The following SIPA1L2 variants were observed in gnomAD, a reference collection of about 807,000 sequenced individuals.
SIPA1L2 encodes the protein signal induced proliferation associated 1 like 2.
SIPA1L2 carries 56 observed loss-of-function variants against 163.9 expected under a neutral mutation model. That is an observed-to-expected ratio of 0.34 (90% CI 0.28 to 0.43). The LOEUF is 0.43. SIPA1L2 is among the 20% of genes least tolerant of loss of function. The pLI, the probability that SIPA1L2 is intolerant of heterozygous loss-of-function variation, is 1.00. For missense variants in SIPA1L2, 1,974 were observed against 2,193.5 expected, an observed-to-expected ratio of 0.90 and a Z score of 2.00; for synonymous variants, 877 against 865.7, an observed-to-expected ratio of 1.01 and a Z score of -0.23.
chr1:232,516,630 ATT>A (rs77019423), intron 2 of SIPA1L2, among the ~76,000 whole-genome samples: 7 of 145,732 alleles, frequency 4.8e-5, no homozygotes, highest in African/African-American at 1.0e-4. Context: ...TCATCCCTAA[ATT>A]TTTTTTTTTT....
Position 232,415,482 on chromosome 1 carries a change from G to A in SIPA1L2, c.4762+12C>T. ...GGGTAAGGGGTGAGGCCAGAGGCTGGTGAGTCTTTACCTTCAAATGCCCGT... is the reference window on the plus strand; with the variant it reads ...GGGTAAGGGGTGAGGCCAGAGGCTGATGAGTCTTTACCTTCAAATGCCCGT... On this transcript the variant is annotated intron_variant, in intron 19 of 22. Transcript: ENST00000674635. 1 of 1,601,276 alleles carries A rather than the reference G, an allele frequency of 6.2e-7. No homozygotes were observed. Among genetic ancestry groups the A allele is most frequent in the Non-Finnish European group, 8.5e-7 (1 of 1,174,272 alleles).
At chr1:232,630,147 C>T (rs541286271), upstream of SIPA1L2, among the ~76,000 whole-genome samples, 27 of 151,498 alleles carry the variant, frequency 1.8e-4, no homozygotes, top group South Asian at 5.6e-3. Context: ...GCGCCGGCTC[C>T]CGATGCCACC....
intron 3 of SIPA1L2, among the ~76,000 whole-genome samples, chr1:232,496,861 A>G (rs1358775381): frequency 2.0e-5 from 3 of 152,262 alleles, no homozygotes; most frequent in Middle Eastern, 3.2e-3. Flanking sequence ...TACAACAGTC[A>G]TAAGACAAAA....
rs10495322 is a variant in SIPA1L2 at position 232,407,960 on chromosome 1, C to T, written c.4763-3782G>A. The stretch of plus-strand genomic sequence containing the variant: ...GCCAGGTTTTCTGGTCGGGTTTGTT[C>T]CCATTACCATGTTTAACGGGGGACG... On this transcript the variant is annotated intron_variant, in intron 19 of 22. Transcript: ENST00000674635. Among the ~76,000 whole-genome samples the T allele has an allele frequency of 0.035, 5,262 of 152,214 alleles. 743 individuals are homozygous for T. In the East Asian group the frequency reaches 0.48, roughly 14 times the overall value.
intron 19 of SIPA1L2, among the ~76,000 whole-genome samples, chr1:232,413,752 G>A (rs1486801395): frequency 6.6e-6 from 1 of 152,144 alleles, no homozygotes; most frequent in African/African-American, 2.4e-5. Context: ...TAAGAGACAG[G>A]CATGAGAATG....
chr1:232,576,782 C>A (rs941500095), intron 1 of SIPA1L2, among the ~76,000 whole-genome samples: 17 of 152,184 alleles, frequency 1.1e-4, no homozygotes, highest in African/African-American at 4.1e-4. Flanking sequence ...GCAAAACAAT[C>A]TCGTTGCTGA....
chr1:232,407,073 A>G (rs1374674456), intron 19 of SIPA1L2, among the ~76,000 whole-genome samples: 1 of 152,246 alleles, frequency 6.6e-6, no homozygotes, highest in African/African-American at 2.4e-5. Context: ...AAGCCCATCC[A>G]TGCATGTAAA....
In SIPA1L2 at chr1:232,465,206, T is replaced by A; in HGVS notation, c.2454A>T (p.Thr818=). The change falls in exon 9 of 23, where the codon ACA becomes ACT. Residue 818 remains threonine, a synonymous_variant. Transcript: ENST00000674635. This position sits in a 1 kb window ranked among gnomAD's most constrained non-coding sequence, Gnocchi z 4.1. ...TCACAGAGGTATCCACGGTGGCGGT[T>A]GTGACAAAGTTCTCCGCCAGATCTT... ...YLKDLAENFV[T]TATVDTSVKF... The A allele has an allele frequency of 6.2e-7, 1 of 1,614,176 alleles. No individual in the cohort carries two copies. Among genetic ancestry groups the A allele is most frequent in the Non-Finnish European group, 8.5e-7 (1 of 1,180,024 alleles).
chr1:232,448,790 C>T (rs540422919), intron 10 of SIPA1L2, among the ~76,000 whole-genome samples: 1 of 152,172 alleles, frequency 6.6e-6, no homozygotes, highest in Non-Finnish European at 1.5e-5. Flanking sequence ...AAAGGAGGAA[C>T]AGTAGTTCGG....
intron 10 of SIPA1L2, among the ~76,000 whole-genome samples, chr1:232,451,525 A>G (rs748668699): frequency 4.6e-5 from 7 of 152,176 alleles, no homozygotes; most frequent in Non-Finnish European, 8.8e-5. Context: ...ACAAAAAGAC[A>G]TTTCTAAAAA....
At chr1:232,436,177 T>C (rs952216119) in intron 15 of SIPA1L2, among the ~76,000 whole-genome samples, 6 of 152,200 alleles carry the variant, frequency 3.9e-5, no homozygotes, top group African/African-American at 1.4e-4. Context: ...GCACTTTTCC[T>C]AGTTCCTTTC....
At position 232,441,759 on chromosome 1, in the gene SIPA1L2, C is replaced by G. The variant is rs1662910493; in HGVS notation, c.3538+9G>C. On this transcript the variant is annotated intron_variant, in intron 13 of 22. Coordinates refer to ENST00000674635, the MANE Select transcript of SIPA1L2 (RefSeq NM_020808.5). ...CAAGGGAGGTCAATTTCCAGGAGTTCCTTATTACCCGGGTGCCTGCTTGCT... is the reference window on the plus strand; with the variant it reads ...CAAGGGAGGTCAATTTCCAGGAGTTGCTTATTACCCGGGTGCCTGCTTGCT... 6.2e-7 allele frequency: 1 copy of G among 1,612,500 alleles called. No individual in the cohort carries two copies. The highest frequency in any genetic ancestry group is 8.5e-7 in the Non-Finnish European group (1 of 1,178,874).
intron 1 of SIPA1L2, among the ~76,000 whole-genome samples, chr1:232,579,336 G>A (rs116494754): frequency 0.023 from 3,429 of 152,212 alleles, 61 homozygotes; most frequent in Non-Finnish European, 0.033. Flanking sequence ...TTGTTTTGCA[G>A]CCCCACACCA....
rs765483224 is a variant in SIPA1L2, at chr1:232,402,365, TCTGATTATG to T, written c.5022+18_5022+26del. ...GGGCTGATTTTATAAGAGAAACAGTTCTGATTATGCTCTTCCAATTGATTACCTTCCGAA... is the reference window on the plus strand; with the variant it reads ...GGGCTGATTTTATAAGAGAAACAGTTCTCTTCCAATTGATTACCTTCCGAA... On this transcript the variant is annotated intron_variant, in intron 22 of 22. Coordinates refer to ENST00000674635, the MANE Select transcript of SIPA1L2 (RefSeq NM_020808.5). 9.9e-5 allele frequency: 159 copies of T among 1,601,246 alleles called. 2 individuals are homozygous for T. The African/African-American group carries it at 1.8e-3, about 19-fold the overall frequency.
intron 2 of SIPA1L2, among the ~76,000 whole-genome samples, chr1:232,539,626 C>A (rs1241433522): frequency 6.6e-6 from 1 of 152,168 alleles, no homozygotes; most frequent in Non-Finnish European, 1.5e-5. Context: ...GCAGGTTGTA[C>A]AAGAAGAGCA....
intron 18 of SIPA1L2, 50 bp downstream of exon 18, chr1:232,425,539 G>C (rs1401479503): frequency 1.4e-6 from 2 of 1,440,166 alleles, no homozygotes; most frequent in East Asian, 2.5e-5. Flanking sequence ...GGAGTTGTGC[G>C]ATCAGCCCAC....
chr1:232,472,016 A>G (rs11576267), intron 7 of SIPA1L2, among the ~76,000 whole-genome samples: 1,741 of 152,354 alleles, frequency 0.011, 38 homozygotes, highest in African/African-American at 0.039. Context: ...CTGGTGAGCA[A>G]TAATACAAAC....
chr1:232,425,500 T>A lies in SIPA1L2; in HGVS notation c.4630+89A>T, dbSNP rs929595183. 3.0e-6 allele frequency: 3 copies of A among 1,001,892 alleles called. No individual in the cohort carries two copies. In the African/African-American group the frequency reaches 4.9e-5, roughly 16 times the overall value. 62.1% of individuals were successfully genotyped at this position (1,001,892 alleles called of 1,614,324 possible). A position where few individuals can be genotyped will look rare whatever the true frequency, so the allele number is the denominator to read the frequency against. The stretch of plus-strand genomic sequence containing the variant: ...ATAAAAACAAAAACAAACTCCTAAA[T>A]CACTCCACCCTCAGAGCTCAATGAG... On this transcript the variant is annotated intron_variant, in intron 18 of 22. Transcript: ENST00000674635.
At chr1:232,609,788 C>T (rs1165835151) in intron 1 of SIPA1L2, among the ~76,000 whole-genome samples, 1 of 143,650 alleles carries the variant, frequency 7.0e-6, no homozygotes, top group Non-Finnish European at 1.5e-5. Context: ...CAAGATCGCA[C>T]CACTGCACTC....
Sources: allele counts gnomAD v4.1 joint callset (sites outside exome capture counted in the v4.1 genomes callset), GRCh38; gene constraint gnomAD v4.1.1; non-coding constraint Gnocchi (gnomAD v3.1); transcripts MANE v1.5; gene names NCBI Gene and HGNC (gene_info 2026-07-23, HGNC 2026-07-21).